TRRAP: variants seen among roughly 807,000 people sequenced by gnomAD.
The protein encoded by TRRAP is transformation/transcription domain-associated protein.
In TRRAP, 41 loss-of-function variants were observed where a neutral mutation model predicts 438.8. The ratio of observed to expected loss-of-function variants is 0.09; its 90% CI spans 0.07 to 0.12. The LOEUF (loss-of-function observed/expected upper bound fraction) is 0.12, where lower values mean the gene tolerates loss of function less well. Ranked by LOEUF, TRRAP falls within the 10% of genes least tolerant of loss-of-function variation. TRRAP has a pLI of 1.00. For synonymous variants in TRRAP, 1,994 were observed against 1,962.9 expected, an observed-to-expected ratio of 1.02 and a Z score of -0.42; for missense variants, 3,122 against 5,055.1, an observed-to-expected ratio of 0.62 and a Z score of 11.60.
intron 69 of TRRAP, among the ~76,000 whole-genome samples, chr7:99,006,974 C>A (rs1002452836): frequency 2.6e-5 from 4 of 152,210 alleles, no homozygotes; most frequent in African/African-American, 9.7e-5. Context: ...CCTGCCGCCT[C>A]CAGCTGACTC....
intron 2 of TRRAP, chr7:98,881,571 CAAAAAA>C: frequency 8.1e-6 from 1 of 122,892 alleles, no homozygotes; most frequent in Non-Finnish European, 1.7e-5. Flanking sequence ...GACTCCCTCT[CAAAAAA>C]AAAAAAAAAA....
Position 98,881,071 on chromosome 7 carries a change from T to G in TRRAP, c.-61-19T>G. On this transcript the variant is annotated intron_variant, in intron 1 of 72. Transcript: ENST00000456197. ...CTGTGCCCTCCATAAATTGACTAACTCTATGCTTCTTTTCATAGGCTGGTT... is the reference window on the plus strand; with the variant it reads ...CTGTGCCCTCCATAAATTGACTAACGCTATGCTTCTTTTCATAGGCTGGTT... 1 of 1,250,168 alleles carries G rather than the reference T, an allele frequency of 8.0e-7. No individual in the cohort carries two copies. The highest frequency in any genetic ancestry group is 1.1e-6 in the Non-Finnish European group (1 of 894,450). 77.4% of individuals were successfully genotyped at this position (1,250,168 alleles called of 1,614,324 possible).
chr7:98,908,825 A>G lies in TRRAP; in HGVS notation c.1213A>G (p.Asn405Asp). Residue 405 changes from asparagine to aspartate, a missense_variant, in exon 14 of 73, where the codon AAC becomes GAC. By Grantham distance (23) the Asn-to-Asp change is conservative. Transcript: ENST00000456197. The surrounding 1 kb of genome is among the most constrained non-coding windows in gnomAD (Gnocchi z 4.1). ...CCTCGCCGTCCAGCTCTTCGCCAAG[A>G]ACATCGACGATGAGTCCCTGCCCAG... ...LSLAVQLFAKNIDDESLPSSI... is the reference protein window; with the variant it reads ...LSLAVQLFAKDIDDESLPSSI... The G allele has an allele frequency of 6.2e-7, 1 of 1,612,318 alleles. No homozygotes were observed. The highest frequency in any genetic ancestry group is 8.5e-7 in the Non-Finnish European group (1 of 1,179,316).
Position 98,912,299 on chromosome 7 carries a change from G to C in TRRAP, c.2199+86G>C, listed in dbSNP as rs956081200. The C allele has an allele frequency of 2.3e-5, 34 of 1,448,252 alleles. No homozygotes were observed. The African/African-American group carries it at 4.1e-4, about 18-fold the overall frequency. 89.7% of individuals were successfully genotyped at this position (1,448,252 alleles called of 1,614,324 possible). ...AGGGCCTCACGGTGGTGTCCAGGCT[G>C]GTCAGCGTTCTGGACTCAAGCAATC... On this transcript the variant is annotated intron_variant, in intron 18 of 72. Transcript: ENST00000456197.
chr7:98,891,486 C>T (rs1205039560), intron 4 of TRRAP, among the ~76,000 whole-genome samples: 2 of 151,518 alleles, frequency 1.3e-5, no homozygotes, highest in African/African-American at 2.4e-5. Context: ...CAGGCGTGAG[C>T]CACTGCGCCC....
rs1348293129 is a variant in TRRAP at position 98,881,314 on chromosome 7, T to C, written c.100+64T>C. Reference sequence around the variant, plus strand: ...AAGGCCGGATGCGGTGGCTCACGTCTGTAATCCCAGCACTTTGGGAGGCCG... The same window carrying C: ...AAGGCCGGATGCGGTGGCTCACGTCCGTAATCCCAGCACTTTGGGAGGCCG... On this transcript the variant is annotated intron_variant, in intron 2 of 72. Transcript: ENST00000456197. 14 of 1,479,338 alleles carry C rather than the reference T, an allele frequency of 9.5e-6. No individual in the cohort carries two copies. The African/African-American group carries it at 1.8e-4, about 19-fold the overall frequency. 91.6% of individuals were successfully genotyped at this position (1,479,338 alleles called of 1,614,324 possible). A position where few individuals can be genotyped will look rare whatever the true frequency, so the allele number is the denominator to read the frequency against.
Position 98,915,869 on chromosome 7 carries a change from C to A in TRRAP, c.2346C>A (p.Leu782=). The stretch of plus-strand genomic sequence containing the variant: ...TCTTGTATCAGGAGTTCTTGCCTCT[C>A]CTTCCAAACCTCCTGCAAGGTCAGA... ...HDLLYQEFLP[L]LPNLLQGLNM... is the part of the protein sequence containing the mutation. Residue 782 remains leucine (L), a synonymous_variant, in exon 19 of 73, where the codon CTC becomes CTA. Transcript: ENST00000456197. The A allele has an allele frequency of 6.2e-7, 1 of 1,614,190 alleles. No individual in the cohort carries two copies. Among genetic ancestry groups the A allele is most frequent in the Non-Finnish European group, 8.5e-7 (1 of 1,180,026 alleles).
chr7:98,926,869 AT>A (rs1204266543), intron 22 of TRRAP, among the ~76,000 whole-genome samples: 3 of 151,978 alleles, frequency 2.0e-5, no homozygotes, highest in Non-Finnish European at 4.4e-5. Flanking sequence ...TACAAAAAAA[AT>A]TAGCTGGGCG....
chr7:98,985,189 C>T (rs11769445), intron 62 of TRRAP, 145 bp downstream of exon 62: 17,984 of 570,366 alleles, frequency 0.032, 369 homozygotes, highest in Non-Finnish European at 0.039. Context: ...AGGTACTGCA[C>T]CTCTGCAAAA....
rs1439761458 is a variant in TRRAP at position 98,994,467 on chromosome 7, C to G, written c.10048-120C>G. ...ATTTCATGCCTGCTGTGTGTGGGTC[C>G]TGCCGGGGAGTGCAGAGATGACCCT... On this transcript the variant is annotated intron_variant, in intron 66 of 72. Transcript: ENST00000456197. The surrounding 1 kb of genome is among the most constrained non-coding windows in gnomAD (Gnocchi z 4.8). 5 of 1,420,702 alleles carry G rather than the reference C, an allele frequency of 3.5e-6. No individual in the cohort carries two copies. Among genetic ancestry groups the G allele is most frequent in the Non-Finnish European group, 4.8e-6 (5 of 1,036,772 alleles). 88.0% of individuals were successfully genotyped at this position (1,420,702 alleles called of 1,614,324 possible).
intron 31 of TRRAP, among the ~76,000 whole-genome samples, chr7:98,944,537 T>C (rs552548775): frequency 6.6e-6 from 1 of 152,212 alleles, no homozygotes; most frequent in South Asian, 2.1e-4. Flanking sequence ...GTTGGCCGCT[T>C]GTCTGAAACT....
At chr7:98,927,475 G>C in intron 23 of TRRAP, 109 bp downstream of exon 23, 1 of 1,381,656 alleles carries the variant, frequency 7.2e-7, no homozygotes. Context: ...GAGTTTGGCT[G>C]ATTGATTTTC....
At chr7:98,944,167 C>T (rs1343675107) in intron 31 of TRRAP, among the ~76,000 whole-genome samples, 1 of 152,126 alleles carries the variant, frequency 6.6e-6, no homozygotes, top group African/African-American at 2.4e-5. Flanking sequence ...GTGCAGGTGT[C>T]TGTGTGCTGC....
chr7:98,931,641 G>C lies in TRRAP; in HGVS notation c.3828G>C (p.Thr1276=), dbSNP rs1332315338. 5.6e-6 allele frequency: 9 copies of C among 1,613,940 alleles called. No individual in the cohort carries two copies. The highest frequency in any genetic ancestry group is 7.6e-6 in the Non-Finnish European group (9 of 1,179,942). The part of the protein sequence containing the change: ...VLAQVTGKSV[T]VIMEPHKEVL... ...CCCAGGTCACTGGGAAGAGTGTCACGGTGATCATGGAACCCCACAAAGAGG... is the reference window on the plus strand; with the variant it reads ...CCCAGGTCACTGGGAAGAGTGTCACCGTGATCATGGAACCCCACAAAGAGG... Residue 1276 remains threonine, a synonymous_variant, in exon 26 of 73, where the codon ACG becomes ACC. Coordinates refer to ENST00000456197, the MANE Select transcript of TRRAP (RefSeq NM_001375524.1).
At chr7:98,968,024 C>T (rs1454248548) in intron 51 of TRRAP, among the ~76,000 whole-genome samples, 1 of 147,574 alleles carries the variant, frequency 6.8e-6, no homozygotes, top group African/African-American at 2.5e-5. Context: ...TCCCATTGTT[C>T]TTTTTTTTTT....
At chr7:98,996,268 C>T (rs1210179367) in intron 67 of TRRAP, among the ~76,000 whole-genome samples, 1 of 152,240 alleles carries the variant, frequency 6.6e-6, no homozygotes, top group Non-Finnish European at 1.5e-5. Context: ...CGCACAGGCA[C>T]AGCTGCTTCT....
At position 98,933,421 on chromosome 7, in the gene TRRAP, G is replaced by T; in HGVS notation, c.4014+19G>T. ...CACAGAGGTAGGGGGGTGGTGGTGC[G>T]GAGTGGTGTGGATGGTGATGACGTG... On this transcript the variant is annotated intron_variant, in intron 27 of 72. Transcript: ENST00000456197. 6.2e-7 allele frequency: 1 copy of T among 1,608,074 alleles called. No individual in the cohort carries two copies. The highest frequency in any genetic ancestry group is 8.5e-7 in the Non-Finnish European group (1 of 1,177,788).
intron 67 of TRRAP, among the ~76,000 whole-genome samples, chr7:99,002,277 G>A (rs934687798): frequency 3.9e-5 from 6 of 152,194 alleles, no homozygotes; most frequent in Non-Finnish European, 8.8e-5. Flanking sequence ...ACACATGTGC[G>A]CACACACACG....
chr7:98,893,318 T>A (rs990949545), intron 5 of TRRAP, among the ~76,000 whole-genome samples: 1 of 152,212 alleles, frequency 6.6e-6, no homozygotes, highest in Non-Finnish European at 1.5e-5. Context: ...GCTTGGATTC[T>A]GTCTTGGCTG....
Sources: gnomAD v4.1 joint callset for allele counts (sites outside exome capture counted in the v4.1 genomes callset) on GRCh38, gnomAD v4.1.1 for gene constraint, Gnocchi (gnomAD v3.1) non-coding constraint, MANE v1.5 for transcripts, NCBI Gene and HGNC (gene_info 2026-07-23, HGNC 2026-07-21) for gene names.